The following WRN variants were observed in gnomAD, a reference collection of about 807,000 sequenced individuals.
WRN encodes the protein WRN RecQ like helicase, also known as bifunctional 3'-5' exonuclease/ATP-dependent helicase WRN.
A neutral mutation model predicts 180.7 loss-of-function variants in WRN; 149 were observed. That is an observed-to-expected ratio of 0.82 (90% CI 0.72 to 0.94). WRN has a LOEUF of 0.94. WRN is among the 40% of genes least tolerant of loss of function. The pLI, the probability that WRN is intolerant of heterozygous loss-of-function variation, is 0.00. For missense variants in WRN, 1,661 were observed against 1,700.1 expected (o/e 0.98, Z 0.40); for synonymous variants, 548 against 568.9 (o/e 0.96, Z 0.52).
rs1811478426 is a variant in WRN at position 31,037,109 on chromosome 8, A to C, written c.-77+3136A>C. Among the ~76,000 whole-genome samples the C allele has an allele frequency of 2.0e-5, 3 of 152,296 alleles. No individual in the cohort carries two copies. In the South Asian group the frequency reaches 6.2e-4, roughly 32 times the overall value. On this transcript the variant is annotated intron_variant, in intron 1 of 34. Transcript: ENST00000298139. ...GTGAAATAATTATACAATTCACCAT[A>C]ATGTAGAATCACTGGGAGCCCTGAG...
intron 33 of WRN, among the ~76,000 whole-genome samples, chr8:31,160,758 G>C (rs1803578912): frequency 6.6e-6 from 1 of 152,178 alleles, no homozygotes; most frequent in South Asian, 2.1e-4. Context: ...GCCGAGGCGG[G>C]CAGGTCACTG....
intron 3 of WRN, among the ~76,000 whole-genome samples, chr8:31,062,327 A>G (rs1465957229): frequency 6.6e-6 from 1 of 152,044 alleles, no homozygotes; most frequent in Admixed American, 6.6e-5. Context: ...CAACTATTAA[A>G]TAGGCAAGTA....
chr8:31,141,638 TG>T, intron 25 of WRN, 38 bp downstream of exon 25: 1 of 1,614,134 alleles, frequency 6.2e-7, no homozygotes, highest in Non-Finnish European at 8.5e-7. Flanking sequence ...GACTTAATTT[TG>T]TTTCCCACTC....
At position 31,124,612 on chromosome 8, in the gene WRN, A is replaced by T. The variant is rs751513363; in HGVS notation, c.2721A>T (p.Arg907Ser). ...TGGAAAAATATCTTCATTCTAGCAG[A>T]TGTAGGAGACAGTATGTATTATTTA... ...AKMEKYLHSS[R>S]CRRQIILSHF... Residue 907 changes from arginine (R) to serine (S), a missense_variant, in exon 22 of 35, where the codon AGA becomes AGT. Around this residue, in one of 3 missense-constraint regions of WRN, gnomAD observed 1,141 missense variants for 1,149.4 expected, o/e 0.99. Coordinates refer to ENST00000298139, the MANE Select transcript of WRN (RefSeq NM_000553.6). 6.2e-7 allele frequency: 1 copy of T among 1,609,748 alleles called. No homozygotes were observed. Among genetic ancestry groups the T allele is most frequent in the Non-Finnish European group, 8.5e-7 (1 of 1,176,350 alleles).
intron 1 of WRN, among the ~76,000 whole-genome samples, chr8:31,047,689 G>A (rs1490606496): frequency 3.3e-5 from 5 of 152,132 alleles, no homozygotes; most frequent in Admixed American, 6.5e-5. Context: ...CGAAGTAACA[G>A]TAATAAATAT....
At chr8:31,137,732 A>G (rs1308788786) in intron 24 of WRN, among the ~76,000 whole-genome samples, 1 of 152,106 alleles carries the variant, frequency 6.6e-6, no homozygotes, top group East Asian at 1.9e-4. Context: ...CAGGTAATGT[A>G]GCTTAAGAGC....
At chr8:31,156,952 T>C (rs570054344) in intron 32 of WRN, among the ~76,000 whole-genome samples, 96 of 152,342 alleles carry the variant, frequency 6.3e-4, no homozygotes, top group African/African-American at 2.2e-3. Context: ...ATTTGTCTTC[T>C]TGGAAATTCA....
Position 31,132,441 on chromosome 8 carries a change from T to A in WRN, c.2902T>A (p.Ser968Thr), listed in dbSNP as rs1802217722. ...DFGPQAFKLL[S>T]AVDILGEKFG... is the part of the protein sequence containing the mutation. ...TGGTCCACAAGCATTTAAGCTTTTG[T>A]CTGCTGTGGACATCTTAGGCGAAAA... The change falls in exon 24 of 35, where the codon TCT becomes ACT. Residue 968 changes from serine to threonine, a missense_variant. Around this residue, in one of 3 missense-constraint regions of WRN, gnomAD observed 1,141 missense variants for 1,149.4 expected, o/e 0.99. Transcript: ENST00000298139. 1 of 1,614,066 alleles carries A rather than the reference T, an allele frequency of 6.2e-7. No homozygotes were observed. The highest frequency in any genetic ancestry group is 1.7e-5 in the Admixed American group (1 of 60,012).
At chr8:31,057,195 AC>A (rs2129994246) in intron 1 of WRN, among the ~76,000 whole-genome samples, 1 of 152,328 alleles carries the variant, frequency 6.6e-6, no homozygotes, top group South Asian at 2.1e-4. Flanking sequence ...AATACGACAG[AC>A]TACCCTCAAA....
intron 3 of WRN, among the ~76,000 whole-genome samples, chr8:31,061,694 T>C (rs576488430): frequency 3.3e-5 from 5 of 152,290 alleles, no homozygotes; most frequent in South Asian, 4.1e-4. Flanking sequence ...ACGTTTGCCT[T>C]TAGTCTAAAG....
In WRN at chr8:31,111,615, G is replaced by T; in HGVS notation, c.2089G>T (p.Val697Phe). 6.2e-7 allele frequency: 1 copy of T among 1,613,920 alleles called. No individual in the cohort carries two copies. Among genetic ancestry groups the T allele is most frequent in the Non-Finnish European group, 8.5e-7 (1 of 1,179,890 alleles). The change falls in exon 19 of 35, where the codon GTT becomes TTT. Residue 697 changes from valine to phenylalanine, a missense_variant and splice_region_variant. Physicochemically the swap from Val to Phe is conservative, Grantham distance 50. Transcript: ENST00000298139. ...AAAATATCAGTTTTACATCATTCAG[G>T]TTCCAATCGTTGCACTTACTGCTAC... ...LGSLKTALPM[V>F]PIVALTATAS...
intron 5 of WRN, among the ~76,000 whole-genome samples, chr8:31,065,667 T>C (rs2130041117): frequency 6.6e-6 from 1 of 152,318 alleles, no homozygotes; most frequent in East Asian, 1.9e-4. Context: ...TGATTCCATG[T>C]CTTTGCTATT....
intron 20 of WRN, among the ~76,000 whole-genome samples, chr8:31,119,514 T>G (rs937749781): frequency 1.3e-5 from 2 of 151,988 alleles, no homozygotes; most frequent in African/African-American, 4.8e-5. Flanking sequence ...TTTCTTACCT[T>G]GTCCATGTAT....
intron 18 of WRN, among the ~76,000 whole-genome samples, chr8:31,103,309 A>T (rs1800952977): frequency 6.6e-6 from 1 of 152,246 alleles, no homozygotes; most frequent in African/African-American, 2.4e-5. Context: ...AACCAGTAAC[A>T]TACTTGTTTA....
intron 16 of WRN, among the ~76,000 whole-genome samples, chr8:31,096,114 C>A (rs994145236): frequency 2.6e-4 from 39 of 152,188 alleles, no homozygotes; most frequent in Non-Finnish European, 5.6e-4. Context: ...AATTAGAATA[C>A]AATATTAATT....
chr8:31,111,503 T>C, intron 18 of WRN, 112 bp from the exon 19 acceptor site: 1 of 1,336,346 alleles, frequency 7.5e-7, no homozygotes, highest in Non-Finnish European at 1.0e-6. Flanking sequence ...GTTGTGTCTT[T>C]AACATTGTAC....
chr8:31,058,543 G>C lies in WRN; in HGVS notation c.96G>C (p.Lys32Asn), dbSNP rs2130001536. The change falls in exon 2 of 35, where the codon AAG becomes AAC. Residue 32 changes from lysine (K) to asparagine (N), a missense_variant and splice_region_variant. By Grantham distance (94) the Lys-to-Asn change is moderately conservative. Coordinates refer to ENST00000298139, the MANE Select transcript of WRN (RefSeq NM_000553.6). Reference protein sequence around the residue: ...QNKRCAVEERKACVRKSVFED... With the variant: ...QNKRCAVEERNACVRKSVFED... The stretch of plus-strand genomic sequence containing the variant: ...AAAGATGTGCTGTAGAAGAAAGAAA[G>C]GTATGTTGTTCATTGACTATTCTTT... 6.2e-7 allele frequency: 1 copy of C among 1,613,286 alleles called. No individual in the cohort carries two copies. The highest frequency in any genetic ancestry group is 1.3e-5 in the African/African-American group (1 of 75,028).
chr8:31,087,681 T>C (rs1018585570), intron 11 of WRN, 95 bp from the exon 12 acceptor site: 2 of 1,323,318 alleles, frequency 1.5e-6, no homozygotes, highest in Non-Finnish European at 2.2e-6. Context: ...TTCGACAAAA[T>C]TGTAGGCCCT....
intron 18 of WRN, among the ~76,000 whole-genome samples, chr8:31,108,230 A>G (rs1170024325): frequency 6.6e-6 from 1 of 152,232 alleles, no homozygotes; most frequent in Non-Finnish European, 1.5e-5. Context: ...TACCCAAAGC[A>G]GTTTGCTTCT....
Sources: gnomAD v4.1 joint callset for allele counts (sites outside exome capture counted in the v4.1 genomes callset) on GRCh38, gnomAD v4.1.1 for gene constraint, gnomAD v4.1.1 regional missense constraint, MANE v1.5 for transcripts, NCBI Gene and HGNC (gene_info 2026-07-23, HGNC 2026-07-21) for gene names.